Variants in IQCM observed in about 807,000 individuals in gnomAD.
The protein encoded by IQCM is IQ motif containing M.
In IQCM, 45 loss-of-function variants were observed where a neutral mutation model predicts 57.6. That is an observed-to-expected ratio of 0.78 (90% CI 0.62 to 1.00). The LOEUF (loss-of-function observed/expected upper bound fraction) is 1.00. Ranked by LOEUF, IQCM falls within the 50% of genes least tolerant of loss-of-function variation. The pLI, the probability that IQCM is intolerant of heterozygous loss-of-function variation, is 0.00. For synonymous variants in IQCM, 148 were observed against 158.9 expected, an observed-to-expected ratio of 0.93 and a Z score of 0.51; for missense variants, 468 against 511.6, an observed-to-expected ratio of 0.91 and a Z score of 0.82.
At position 149,465,976 on chromosome 4, in the gene IQCM, T is replaced by C. The variant is rs185999933; in HGVS notation, c.1229-32419A>G. Among the ~76,000 whole-genome samples the C allele has an allele frequency of 3.8e-4, 58 of 152,230 alleles. 2 individuals are homozygous for C. Among genetic ancestry groups the C allele is most frequent in the African/African-American group, 1.3e-3 (54 of 41,542 alleles). ...TTATTTATAATCAGAGAAGTGCATA[T>C]TGAAACAGTTGAAATATTGTTGTGC... On this transcript the variant is annotated intron_variant, in intron 12 of 13. Transcript: ENST00000636793.
At chr4:149,569,480 T>C (rs1750953099) in intron 9 of IQCM, among the ~76,000 whole-genome samples, 1 of 152,256 alleles carries the variant, frequency 6.6e-6, no homozygotes, top group East Asian at 1.9e-4. Flanking sequence ...ACTCCATTCC[T>C]CTCCACTCTG....
intron 12 of IQCM, among the ~76,000 whole-genome samples, chr4:149,547,810 A>T (rs1748612370): frequency 6.6e-6 from 1 of 152,194 alleles, no homozygotes; most frequent in African/African-American, 2.4e-5. Flanking sequence ...ATACTTTGAC[A>T]AAGCTGGGGA....
chr4:149,671,392 C>T (rs1265158993), intron 7 of IQCM, among the ~76,000 whole-genome samples: 1 of 152,076 alleles, frequency 6.6e-6, no homozygotes, highest in Non-Finnish European at 1.5e-5. Context: ...GTCTTGCTAG[C>T]TGTCTATCAA....
chr4:149,659,019 G>T (rs1759904389), intron 7 of IQCM, among the ~76,000 whole-genome samples: 1 of 151,832 alleles, frequency 6.6e-6, no homozygotes, highest in African/African-American at 2.4e-5. Context: ...ATGTTAAAAA[G>T]AAGTGGTTAA....
chr4:149,624,663 G>A (rs1173971178), intron 7 of IQCM, among the ~76,000 whole-genome samples: 1 of 152,142 alleles, frequency 6.6e-6, no homozygotes, highest in Non-Finnish European at 1.5e-5. Context: ...TTTTTGTAGT[G>A]ACAAATATTA....
intron 5 of IQCM, chr4:149,711,218 A>T (rs191210107): frequency 6.6e-6 from 1 of 152,170 alleles, no homozygotes; most frequent in East Asian, 1.9e-4. Flanking sequence ...GCTCAAGGTT[A>T]TACAATAATT....
chr4:149,681,051 A>C (rs1762137213), intron 7 of IQCM, among the ~76,000 whole-genome samples: 2 of 151,396 alleles, frequency 1.3e-5, no homozygotes, highest in East Asian at 1.9e-4. Flanking sequence ...GCGTTCATAA[A>C]CCTTTTGATC....
intron 12 of IQCM, among the ~76,000 whole-genome samples, chr4:149,491,880 C>T (rs1223862147): frequency 6.6e-6 from 1 of 151,882 alleles, no homozygotes; most frequent in African/African-American, 2.4e-5. Context: ...CCATTTTTTT[C>T]AAGGGTTCCC....
chr4:149,460,397 TA>T (rs1167092101), intron 12 of IQCM, among the ~76,000 whole-genome samples: 1 of 152,186 alleles, frequency 6.6e-6, no homozygotes, highest in Non-Finnish European at 1.5e-5. Context: ...GTCTACCCAT[TA>T]AAAAATTTCA....
rs1336001060 is a variant in IQCM at position 149,377,139 on chromosome 4, A to T, written c.1391-25073T>A. On this transcript the variant is annotated intron_variant, in intron 13 of 13. Transcript: ENST00000636793. ...AATAAATAAGTCATTACTTTAGTCC[A>T]TCTAACGAAAAAGTATATTTTTAAT... Among the ~76,000 whole-genome samples the T allele has an allele frequency of 2.6e-5, 4 of 152,262 alleles. No homozygotes were observed. The South Asian group carries it at 6.2e-4, about 24-fold the overall frequency.
intron 7 of IQCM, among the ~76,000 whole-genome samples, chr4:149,650,195 G>A (rs900715199): frequency 2.0e-5 from 3 of 151,970 alleles, no homozygotes; most frequent in African/African-American, 7.3e-5. Context: ...GTGCCAATAC[G>A]TTTTATGTCC....
chr4:149,364,176 T>C (rs542058381), intron 13 of IQCM, among the ~76,000 whole-genome samples: 1 of 152,262 alleles, frequency 6.6e-6, no homozygotes, highest in African/African-American at 2.4e-5. Flanking sequence ...AGGCACCCTT[T>C]CCCATTGTAC....
intron 12 of IQCM, among the ~76,000 whole-genome samples, chr4:149,535,467 G>C (rs1747197105): frequency 1.3e-5 from 2 of 151,948 alleles, no homozygotes; most frequent in Non-Finnish European, 2.9e-5. Context: ...CATGTTACGA[G>C]TACTGGGTGT....
At chr4:149,637,162 GAAAA>G (rs1021089498) in intron 7 of IQCM, among the ~76,000 whole-genome samples, 11 of 99,454 alleles carry the variant, frequency 1.1e-4, no homozygotes, top group African/African-American at 1.1e-4. Flanking sequence ...AAAAAAAAAA[GAAAA>G]AAAAAAAAAA....
At chr4:149,802,875 C>T (rs577688873) in intron 2 of IQCM, among the ~76,000 whole-genome samples, 3 of 152,012 alleles carry the variant, frequency 2.0e-5, no homozygotes, top group East Asian at 3.9e-4. Context: ...AGAAGACACT[C>T]GGAAAAATGC....
intron 12 of IQCM, among the ~76,000 whole-genome samples, chr4:149,496,887 T>C (rs1247540712): frequency 6.6e-6 from 1 of 152,148 alleles, no homozygotes; most frequent in African/African-American, 2.4e-5. Flanking sequence ...AAGGCCTCCT[T>C]TGGTGTCTGA....
chr4:149,779,974 G>T (rs769074513), intron 2 of IQCM, among the ~76,000 whole-genome samples: 15 of 152,090 alleles, frequency 9.9e-5, no homozygotes, highest in Non-Finnish European at 2.1e-4. Flanking sequence ...TGTCACTAGT[G>T]ACAGGGAGTA....
At chr4:149,679,660 TA>T (rs151254484) in intron 7 of IQCM, among the ~76,000 whole-genome samples, 122 of 147,582 alleles carry the variant, frequency 8.3e-4, no homozygotes, top group Non-Finnish European at 9.8e-4. Context: ...GCATGAATTG[TA>T]AAAAAAAAAG....
chr4:149,514,520 C>T (rs1744742905), intron 12 of IQCM: 1 of 152,196 alleles, frequency 6.6e-6, no homozygotes, highest in South Asian at 2.1e-4. Context: ...AAAGCATTTA[C>T]TTACCTCATA....
Sources: allele counts gnomAD v4.1 joint callset (sites outside exome capture counted in the v4.1 genomes callset), GRCh38; gene constraint gnomAD v4.1.1; transcripts MANE v1.5; gene names NCBI Gene and HGNC (gene_info 2026-07-23, HGNC 2026-07-21).